RACGAP1: variants seen among roughly 807,000 people sequenced by gnomAD.
The protein encoded by RACGAP1 is rac GTPase-activating protein 1.
Under a neutral mutation model 78.1 loss-of-function variants are expected in RACGAP1, and 30 were observed. That is an observed-to-expected ratio of 0.38 (90% CI 0.29 to 0.52). RACGAP1 has a LOEUF of 0.52. Ranked by LOEUF, RACGAP1 falls within the 20% of genes least tolerant of loss-of-function variation. The pLI is 0.82. For missense variants in RACGAP1, 587 were observed against 777.1 expected (o/e 0.76, Z 2.91); for synonymous variants, 231 against 264.8 (o/e 0.87, Z 1.24).
intron 16 of RACGAP1, 54 bp downstream of exon 16, chr12:49,990,627 TAAG>T (rs1010602575): frequency 5.2e-6 from 7 of 1,353,584 alleles, no homozygotes; most frequent in African/African-American, 2.9e-5. Flanking sequence ...TTCAATATAA[TAAG>T]AAGTCTAAGA....
chr12:49,991,219 G>A (rs1018700747), intron 15 of RACGAP1, among the ~76,000 whole-genome samples: 5 of 151,630 alleles, frequency 3.3e-5, no homozygotes, highest in African/African-American at 1.2e-4. Context: ...AATCAAGTTG[G>A]TAAAACATAC....
Position 50,004,295 on chromosome 12 carries a change from G to A in RACGAP1, c.435C>T (p.Thr145=), listed in dbSNP as rs763787546. The change falls in exon 5 of 17, where the codon ACC becomes ACT. Residue 145 remains threonine (T), a synonymous_variant. Transcript: ENST00000312377. The stretch of plus-strand genomic sequence containing the variant: ...ATAAAATGGAACCAGATTCATCAAT[G>A]GTTGATAGTCTAGATCAGTGAAACA... ...SSNAGNKRLS[T]IDESGSILSD... 1.2e-6 allele frequency: 2 copies of A among 1,603,984 alleles called. No individual in the cohort carries two copies. The highest frequency in any genetic ancestry group is 3.3e-5 in the Admixed American group (2 of 59,930).
intron 2 of RACGAP1, among the ~76,000 whole-genome samples, chr12:50,007,244 G>GA (rs796411818): frequency 3.4e-3 from 455 of 134,486 alleles, no homozygotes; most frequent in East Asian, 5.9e-3. Flanking sequence ...CATTCCAGTT[G>GA]AAAAAAAAAA....
intron 1 of RACGAP1, chr12:50,018,547 G>A: frequency 2.3e-6 from 3 of 1,288,890 alleles, no homozygotes; most frequent in Non-Finnish European, 3.0e-6. Flanking sequence ...ACAGGGGCAG[G>A]ACATTGGGTA....
At chr12:50,002,526 T>C in intron 5 of RACGAP1, 1 of 396,858 alleles carries the variant, frequency 2.5e-6, no homozygotes, top group South Asian at 5.6e-5. Flanking sequence ...AAATCAGGAA[T>C]CAATACCACA....
chr12:49,992,200 T>C, intron 14 of RACGAP1, 45 bp downstream of exon 14: 1 of 1,612,400 alleles, frequency 6.2e-7, no homozygotes. Flanking sequence ...TTTCAAGTTA[T>C]CACATTACAC....
At chr12:49,991,477 ATATTTTTTTTTTTTTTTTTT>A (rs1947857293) in intron 15 of RACGAP1, among the ~76,000 whole-genome samples, 1 of 36,982 alleles carries the variant, frequency 2.7e-5, no homozygotes, top group Non-Finnish European at 5.8e-5. Flanking sequence ...ATATATATAT[ATATTTTTTTTTTTTTTTTTT>A]TTTTTTTTTT....
chr12:49,999,804 G>A, intron 7 of RACGAP1, 71 bp from the exon 8 acceptor site: 1 of 1,263,168 alleles, frequency 7.9e-7, no homozygotes, highest in Admixed American at 1.7e-5. Flanking sequence ...GGGTATTTTG[G>A]AGCAGGTAAA....
intron 1 of RACGAP1, chr12:50,017,127 T>C (rs1307524531): frequency 6.2e-6 from 6 of 967,058 alleles, no homozygotes; most frequent in Non-Finnish European, 7.4e-6. Context: ...ACTTAAAATA[T>C]CTATTTTTAA....
chr12:50,010,775 A>T (rs887295781), intron 2 of RACGAP1, among the ~76,000 whole-genome samples: 1 of 151,376 alleles, frequency 6.6e-6, no homozygotes, highest in African/African-American at 2.4e-5. Context: ...TCTACTAAAA[A>T]TACAAAATTA....
chr12:50,011,945 C>A (rs1449865849), intron 2 of RACGAP1, among the ~76,000 whole-genome samples: 25 of 132,912 alleles, frequency 1.9e-4, no homozygotes, highest in South Asian at 2.4e-4. Context: ...CAGAGCGAGA[C>A]TCCGTCTCAA....
rs1166178482 is a variant in RACGAP1, at chr12:50,002,316, C to T, written c.496-16G>A. ...AGTCCCAATCCTGTTGACAATTACA[C>T]TGTATTAATTTCTTTTTTTGGTTAG... On this transcript the variant is annotated splice_polypyrimidine_tract_variant and intron_variant, in intron 5 of 16. Coordinates refer to ENST00000312377, the MANE Select transcript of RACGAP1 (RefSeq NM_001319999.2). 2.5e-6 allele frequency: 4 copies of T among 1,610,186 alleles called. No individual in the cohort carries two copies. The highest frequency in any genetic ancestry group is 3.4e-6 in the Non-Finnish European group (4 of 1,177,672).
At chr12:50,019,618 CAGG>C (rs1394903983) in intron 1 of RACGAP1, 1 of 151,804 alleles carries the variant, frequency 6.6e-6, no homozygotes, top group Non-Finnish European at 1.5e-5. Context: ...CCCAGCTATT[CAGG>C]AGGCTGAAGT....
At chr12:50,014,648 TGCCTCCCCAGTGATCCTCCCACCTCA>T (rs1360302293) in intron 2 of RACGAP1, among the ~76,000 whole-genome samples, 127 of 152,198 alleles carry the variant, frequency 8.3e-4, no homozygotes, top group African/African-American at 2.9e-3. Flanking sequence ...CTGCAACCTC[TGCCTCCCCAGTGATCCTCCCACCTCA>T]GCCTCCCAGG....
chr12:50,012,057 G>GTTCAACGCTGCAGTAAGC (rs1471414322), intron 2 of RACGAP1, among the ~76,000 whole-genome samples: 2 of 152,048 alleles, frequency 1.3e-5, no homozygotes, highest in South Asian at 2.1e-4. Flanking sequence ...GAGCCCAGGA[G>GTTCAACGCTGCAGTAAGC]TTCAACGCTG....
rs991516623 is a variant in RACGAP1, at chr12:50,022,257, G to A, written c.-5+3141C>T. On this transcript the variant is annotated intron_variant, in intron 1 of 16. Transcript: ENST00000312377. ...TTCATTTAGCAGATACAAAAATACTGTTTATTATTAATCTTCTATGTTCAA... is the reference window on the plus strand; with the variant it reads ...TTCATTTAGCAGATACAAAAATACTATTTATTATTAATCTTCTATGTTCAA... Among the ~76,000 whole-genome samples, 4 of 152,106 alleles carry A rather than the reference G, an allele frequency of 2.6e-5. No homozygotes were observed. The South Asian group carries it at 8.3e-4, about 31-fold the overall frequency.
chr12:50,012,234 CTGGCCAACG>C (rs1949386123), intron 2 of RACGAP1, among the ~76,000 whole-genome samples: 1 of 152,108 alleles, frequency 6.6e-6, no homozygotes, highest in Non-Finnish European at 1.5e-5. Context: ...CAATATCAGC[CTGGCCAACG>C]TGGTGAAACC....
Position 50,016,680 on chromosome 12 carries a change from A to G in RACGAP1, c.36T>C (p.Phe12=). ...DTMMLNVRNL[F]EQLVRRVEIL... ...TCTCCACCCGGCGCACAAGCTGCTCAAACAGATTCCGCACATTCAGCATCA... is the reference window on the plus strand; with the variant it reads ...TCTCCACCCGGCGCACAAGCTGCTCGAACAGATTCCGCACATTCAGCATCA... Residue 12 remains phenylalanine (F), a synonymous_variant, in exon 2 of 17, where the codon TTT becomes TTC. Transcript: ENST00000312377. The G allele has an allele frequency of 6.2e-7, 1 of 1,614,058 alleles. No homozygotes were observed.
chr12:50,005,170 G>T, intron 4 of RACGAP1, 86 bp downstream of exon 4: 1 of 1,569,622 alleles, frequency 6.4e-7, no homozygotes, highest in Non-Finnish European at 8.7e-7. Flanking sequence ...CATTCTAGAA[G>T]AAGTATATTT....
Sources: gnomAD v4.1 joint callset for allele counts (sites outside exome capture counted in the v4.1 genomes callset) on GRCh38, gnomAD v4.1.1 for gene constraint, MANE v1.5 for transcripts, NCBI Gene and HGNC (gene_info 2026-07-23, HGNC 2026-07-21) for gene names.